The following GAB2 variants were observed in gnomAD, a reference collection of about 807,000 sequenced individuals.
GAB2 encodes the protein GRB2-associated-binding protein 2.
In GAB2, 26 loss-of-function variants were observed where a neutral mutation model predicts 65.5. That is an observed-to-expected ratio of 0.40 (90% CI 0.29 to 0.55). GAB2 has a LOEUF of 0.55. Among genes scored for constraint, GAB2 ranks in the 20% least tolerant of loss-of-function variants. The pLI, the probability that GAB2 is intolerant of heterozygous loss-of-function variation, is 0.53. For missense variants in GAB2, 884 were observed against 875.8 expected, an observed-to-expected ratio of 1.01 and a Z score of -0.12; for synonymous variants, 321 against 329.6, an observed-to-expected ratio of 0.97 and a Z score of 0.28.
At chr11:78,379,062 A>G (rs1327998014) in intron 1 of GAB2, among the ~76,000 whole-genome samples, 1 of 152,348 alleles carries the variant, frequency 6.6e-6, no homozygotes, top group East Asian at 1.9e-4. Flanking sequence ...GAAGCAATCA[A>G]TAAGTGTTCG....
intron 1 of GAB2, among the ~76,000 whole-genome samples, chr11:78,360,218 T>G (rs78935740): frequency 1.3e-5 from 2 of 152,156 alleles, no homozygotes; most frequent in East Asian, 3.9e-4. Context: ...TGTAAGACGA[T>G]AAATCTCTAT....
rs1382429770 is a variant in GAB2, at chr11:78,225,188, T to C, written c.1222A>G (p.Thr408Ala). ...CCACCACGCTGTGGGTACTCGTAGG[T>C]CTCACAGGAAGAAGCTGACAGAGGA... ...SRLHRASSCE[T>A]YEYPQRGGES... Residue 408 changes from threonine to alanine, a missense_variant, in exon 5 of 10, where the codon ACC becomes GCC. By Grantham distance (58) the Thr-to-Ala change is moderately conservative. Coordinates refer to ENST00000361507, the MANE Select transcript of GAB2 (RefSeq NM_080491.3). The C allele has an allele frequency of 6.2e-7, 1 of 1,609,602 alleles. No individual in the cohort carries two copies.
intron 1 of GAB2, among the ~76,000 whole-genome samples, chr11:78,350,337 G>A (rs890543482): frequency 2.0e-5 from 3 of 152,208 alleles, no homozygotes; most frequent in Admixed American, 2.0e-4. Context: ...CTAATCATCC[G>A]TGAGACTCTG....
At chr11:78,288,273 G>A (rs1265835878) in intron 1 of GAB2, among the ~76,000 whole-genome samples, 1 of 151,394 alleles carries the variant, frequency 6.6e-6, no homozygotes, top group African/African-American at 2.4e-5. Flanking sequence ...AAGCTACTAG[G>A]GAGGGTGAGG....
At chr11:78,342,404 C>CTTT (rs143105179) in intron 1 of GAB2, among the ~76,000 whole-genome samples, 1,281 of 109,836 alleles carry the variant, frequency 0.012, 42 homozygotes, top group African/African-American at 0.032. Flanking sequence ...ACACTTTGCA[C>CTTT]TTTTTTTTTT....
chr11:78,382,799 A>C (rs1856714841), intron 1 of GAB2, among the ~76,000 whole-genome samples: 1 of 152,232 alleles, frequency 6.6e-6, no homozygotes. Flanking sequence ...TGAGAGCAGA[A>C]AACATTTATT....
At chr11:78,326,666 G>T (rs1157746044) in intron 1 of GAB2, among the ~76,000 whole-genome samples, 3 of 152,172 alleles carry the variant, frequency 2.0e-5, no homozygotes, top group Non-Finnish European at 4.4e-5. Flanking sequence ...GCTTCATGAG[G>T]TCAAGGATAA....
intron 2 of GAB2, among the ~76,000 whole-genome samples, chr11:78,264,808 T>C (rs1479899666): frequency 6.6e-6 from 1 of 152,148 alleles, no homozygotes; most frequent in Admixed American, 6.5e-5. Context: ...TAATCACACA[T>C]AGCAAAAAGG....
At chr11:78,222,483 A>C (rs1306357401) in intron 6 of GAB2, among the ~76,000 whole-genome samples, 3 of 150,526 alleles carry the variant, frequency 2.0e-5, no homozygotes, top group African/African-American at 7.3e-5. Context: ...TTTCTCCCTC[A>C]ATTTATGACT....
intron 1 of GAB2, among the ~76,000 whole-genome samples, chr11:78,367,979 G>A (rs1168719524): frequency 1.3e-5 from 2 of 152,008 alleles, no homozygotes; most frequent in African/African-American, 2.4e-5. Flanking sequence ...ACTGCGCCCG[G>A]CTAATTTTTT....
intron 2 of GAB2, among the ~76,000 whole-genome samples, chr11:78,271,804 G>A (rs780716702): frequency 6.6e-5 from 10 of 152,214 alleles, no homozygotes; most frequent in Non-Finnish European, 1.5e-4. Flanking sequence ...ACAAGCCTGG[G>A]TGATATGGTT....
intron 1 of GAB2, among the ~76,000 whole-genome samples, chr11:78,385,065 T>C (rs1856749017): frequency 6.6e-6 from 1 of 152,188 alleles, no homozygotes; most frequent in South Asian, 2.1e-4. Flanking sequence ...GAAATGACTA[T>C]CCTATAATAT....
intron 1 of GAB2, among the ~76,000 whole-genome samples, chr11:78,391,379 TC>T (rs1213037587): frequency 1.3e-5 from 2 of 152,218 alleles, no homozygotes; most frequent in Admixed American, 1.3e-4. Flanking sequence ...AAGTCTATGT[TC>T]CCTTTCCATG....
chr11:78,377,329 T>C (rs571990124), intron 1 of GAB2, among the ~76,000 whole-genome samples: 2 of 152,120 alleles, frequency 1.3e-5, no homozygotes, highest in Non-Finnish European at 2.9e-5. Context: ...TCTTGCTGTG[T>C]CCTCACATGG....
In GAB2 at chr11:78,346,707, A is replaced by T. The variant is rs1234765328; in HGVS notation, c.76-65806T>A. On this transcript the variant is annotated intron_variant, in intron 1 of 9. Transcript: ENST00000361507. The stretch of plus-strand genomic sequence containing the variant: ...TATATATATATATATATATATATAT[A>T]TATATATATATATAATTTTTTTTTT... Among the ~76,000 whole-genome samples the T allele has an allele frequency of 6.4e-5, 6 of 93,798 alleles. 1 individual carries two copies. The East Asian group carries it at 1.7e-3, about 26-fold the overall frequency. The allele number at this position is 93,798 out of a possible 152,430, so 61.5% of individuals were successfully genotyped here.
intron 1 of GAB2, among the ~76,000 whole-genome samples, chr11:78,320,322 C>A (rs1288319371): frequency 6.6e-6 from 1 of 152,136 alleles, no homozygotes; most frequent in East Asian, 1.9e-4. Flanking sequence ...AGGGATGTAC[C>A]ATCATGCCCA....
chr11:78,261,308 C>T (rs554993855), intron 2 of GAB2, among the ~76,000 whole-genome samples: 14 of 152,162 alleles, frequency 9.2e-5, no homozygotes, highest in African/African-American at 2.7e-4. Flanking sequence ...AAACAAAAAC[C>T]AGAACCAGAA....
rs58651538 is a variant in GAB2, at chr11:78,231,336, G to GGTGTGTGTGTGTGTGTGTGTGTGT, written c.621-4309_621-4286dup. ...CCTTGGTGCGCGCGCGCGCGTGTGT[G>GGTGTGTGTGTGTGTGTGTGTGTGT]GTGTGTGTGTGTGTGTGTGTGTGTG... On this transcript the variant is annotated intron_variant, in intron 3 of 9. Coordinates refer to ENST00000361507, the MANE Select transcript of GAB2 (RefSeq NM_080491.3). Among the ~76,000 whole-genome samples, 97 of 145,890 alleles carry GGTGTGTGTGTGTGTGTGTGTGTGT rather than the reference G, an allele frequency of 6.6e-4. 1 individual carries two copies. The highest frequency in any genetic ancestry group is 2.2e-3 in the African/African-American group (87 of 38,674).
chr11:78,344,201 T>C (rs1036818881), intron 1 of GAB2, among the ~76,000 whole-genome samples: 6 of 152,176 alleles, frequency 3.9e-5, no homozygotes, highest in Admixed American at 1.3e-4. Context: ...AGGATTTCAA[T>C]GAAGGCCTTG....
Sources: gnomAD v4.1 joint callset for allele counts (sites outside exome capture counted in the v4.1 genomes callset) on GRCh38, gnomAD v4.1.1 for gene constraint, MANE v1.5 for transcripts, NCBI Gene and HGNC (gene_info 2026-07-23, HGNC 2026-07-21) for gene names.